The following NDUFAF2 variants were observed in gnomAD, a reference collection of about 807,000 sequenced individuals.
NDUFAF2 encodes the protein NADH dehydrogenase [ubiquinone] 1 alpha subcomplex assembly factor 2.
NDUFAF2 carries 13 observed loss-of-function variants against 22.8 expected under a neutral mutation model. That is an observed-to-expected ratio of 0.57 (90% CI 0.37 to 0.91). The LOEUF is 0.91. Among genes scored for constraint, NDUFAF2 ranks in the 40% least tolerant of loss-of-function variants. NDUFAF2 has a pLI of 0.01. For missense variants in NDUFAF2, 162 were observed against 195.2 expected, an observed-to-expected ratio of 0.83 and a Z score of 1.01; for synonymous variants, 53 against 64.2, an observed-to-expected ratio of 0.83 and a Z score of 0.84.
At chr5:61,021,323 T>G (rs1342072845) in intron 1 of NDUFAF2, among the ~76,000 whole-genome samples, 3 of 139,324 alleles carry the variant, frequency 2.2e-5, no homozygotes, top group Non-Finnish European at 4.6e-5. Context: ...TTCCTTGGCT[T>G]GTGATCCCTT....
chr5:60,963,799 A>G (rs1750720666), intron 1 of NDUFAF2, among the ~76,000 whole-genome samples: 1 of 152,228 alleles, frequency 6.6e-6, no homozygotes, highest in Non-Finnish European at 1.5e-5. Context: ...AGTTGAGATC[A>G]GAAGTGTTGG....
intron 3 of NDUFAF2, chr5:61,114,868 G>GTTGTCT (rs1452625130): frequency 3.4e-4 from 52 of 152,210 alleles, no homozygotes; most frequent in African/African-American, 1.2e-3. Flanking sequence ...AAAGGCTCTT[G>GTTGTCT]TTGTCTTCCC....
intron 2 of NDUFAF2, among the ~76,000 whole-genome samples, chr5:61,094,768 T>G (rs754691468): frequency 1.5e-4 from 23 of 152,202 alleles, no homozygotes; most frequent in Non-Finnish European, 2.9e-4. Context: ...TCACCTTGAA[T>G]TTTCCAGTAC....
intron 1 of NDUFAF2, among the ~76,000 whole-genome samples, chr5:61,058,065 A>G (rs1271291310): frequency 6.6e-6 from 1 of 152,212 alleles, no homozygotes; most frequent in African/African-American, 2.4e-5. Context: ...AGATAACAGT[A>G]CGGTCTTTGA....
intron 1 of NDUFAF2, among the ~76,000 whole-genome samples, chr5:61,047,307 A>G (rs565607051): frequency 7.9e-5 from 12 of 152,234 alleles, no homozygotes; most frequent in African/African-American, 2.9e-4. Context: ...CCTACTTTTT[A>G]TATAGGATAA....
intron 1 of NDUFAF2, among the ~76,000 whole-genome samples, chr5:61,010,516 C>T (rs1017179042): frequency 2.6e-5 from 4 of 152,080 alleles, no homozygotes; most frequent in African/African-American, 7.2e-5. Context: ...CTTTATCTCT[C>T]ATTTAAATAC....
At chr5:60,986,570 C>T (rs185443753) in intron 1 of NDUFAF2, among the ~76,000 whole-genome samples, 1 of 152,074 alleles carries the variant, frequency 6.6e-6, no homozygotes, top group East Asian at 1.9e-4. Context: ...TAAGGGCAAA[C>T]CAACCTCAAA....
chr5:61,003,398 A>T (rs935245864), intron 1 of NDUFAF2, among the ~76,000 whole-genome samples: 1 of 152,090 alleles, frequency 6.6e-6, no homozygotes, highest in Non-Finnish European at 1.5e-5. Flanking sequence ...TCCAATTTAA[A>T]ATTTAAATAA....
chr5:60,982,136 A>G (rs1027980680), intron 1 of NDUFAF2, among the ~76,000 whole-genome samples: 1 of 152,200 alleles, frequency 6.6e-6, no homozygotes, highest in Admixed American at 6.5e-5. Context: ...AAAAGAAGGC[A>G]CACAAACAGC....
At chr5:61,073,074 T>C (rs768065628) in intron 1 of NDUFAF2, 51 bp from the exon 2 acceptor site, 3 of 1,090,804 alleles carry the variant, frequency 2.8e-6, no homozygotes, top group Non-Finnish European at 2.8e-6. Flanking sequence ...ATTGTAGAAC[T>C]ACTGTATCAT....
At chr5:60,972,008 T>C (rs1244789045) in intron 1 of NDUFAF2, among the ~76,000 whole-genome samples, 1 of 149,700 alleles carries the variant, frequency 6.7e-6, no homozygotes, top group African/African-American at 2.5e-5. Context: ...AGTGGTGTGA[T>C]CTAAGCTCAC....
intron 1 of NDUFAF2, among the ~76,000 whole-genome samples, chr5:61,069,126 C>CTTTTTTTTTTTTTT (rs71606660): frequency 7.3e-6 from 1 of 136,896 alleles, no homozygotes; most frequent in African/African-American, 2.7e-5. Context: ...AATGTTAGTG[C>CTTTTTTTTTTTTTT]TTTTTTTTTT....
chr5:61,123,781 G>A (rs761819037), intron 3 of NDUFAF2, among the ~76,000 whole-genome samples: 27 of 152,108 alleles, frequency 1.8e-4, no homozygotes, highest in Non-Finnish European at 3.2e-4. Flanking sequence ...AATCTAATTA[G>A]TCATTTGGCT....
In NDUFAF2 at chr5:61,080,068, T is replaced by A. The variant is rs537461732; in HGVS notation, c.217+6854T>A. Among the ~76,000 whole-genome samples the A allele has an allele frequency of 7.2e-5, 11 of 152,290 alleles. No homozygotes were observed. The East Asian group carries it at 1.9e-3, about 27-fold the overall frequency. On this transcript the variant is annotated intron_variant, in intron 2 of 3. Coordinates refer to ENST00000296597, the MANE Select transcript of NDUFAF2 (RefSeq NM_174889.5). The stretch of plus-strand genomic sequence containing the variant: ...AGAAGCAAAAGGCAGCTTTTTTTTT[T>A]AACATACCTTAATACATTTGAGATT...
chr5:60,983,450 G>C (rs1371162579), intron 1 of NDUFAF2, among the ~76,000 whole-genome samples: 1 of 138,402 alleles, frequency 7.2e-6, no homozygotes, highest in Admixed American at 7.5e-5. Context: ...ATTGCTTTTG[G>C]TGTTTTAGAC....
At chr5:61,089,968 G>A (rs192463688) in intron 2 of NDUFAF2, among the ~76,000 whole-genome samples, 1 of 151,686 alleles carries the variant, frequency 6.6e-6, no homozygotes, top group East Asian at 1.9e-4. Flanking sequence ...AGACTCATCA[G>A]TAGGGCAGAT....
chr5:61,091,219 G>A (rs573340201), intron 2 of NDUFAF2, among the ~76,000 whole-genome samples: 2 of 152,236 alleles, frequency 1.3e-5, no homozygotes, highest in African/African-American at 2.4e-5. Flanking sequence ...GGGATTGCTA[G>A]GTCAAATGGT....
At position 61,136,005 on chromosome 5, in the gene NDUFAF2, TTATATATATATA is replaced by T. The variant is rs57756292; in HGVS notation, c.259-16673_259-16662del. ...TTGGTCCCTACATCTAAGCCTGTCT[TTATATATATATA>T]TATATATATATATATATATATATAT... is the stretch of plus-strand genomic sequence containing the variant. On this transcript the variant is annotated intron_variant, in intron 3 of 3. Coordinates refer to ENST00000296597, the MANE Select transcript of NDUFAF2 (RefSeq NM_174889.5). 1.6e-3 allele frequency among the ~76,000 whole-genome samples: 150 copies of T among 96,012 alleles called. 16 individuals carry two copies. The highest frequency in any genetic ancestry group is 5.2e-3 in the African/African-American group (96 of 18,318). The allele number at this position is 96,012 out of a possible 152,430, so 63.0% of individuals were successfully genotyped here.
intron 1 of NDUFAF2, among the ~76,000 whole-genome samples, chr5:60,990,473 T>TAA (rs1469751737): frequency 1.3e-5 from 2 of 152,166 alleles, no homozygotes; most frequent in Non-Finnish European, 2.9e-5. Context: ...CATAAGGTAT[T>TAA]AAATGTAGAA....
Sources: gnomAD v4.1 joint callset for allele counts (sites outside exome capture counted in the v4.1 genomes callset) on GRCh38, gnomAD v4.1.1 for gene constraint, MANE v1.5 for transcripts, NCBI Gene and HGNC (gene_info 2026-07-23, HGNC 2026-07-21) for gene names.